THRB: variants seen among roughly 807,000 people sequenced by gnomAD.
THRB encodes the protein thyroid hormone receptor beta.
A neutral mutation model predicts 47.8 loss-of-function variants in THRB; 12 were observed. That is an observed-to-expected ratio of 0.25 (90% CI 0.16 to 0.41). The LOEUF is 0.41. THRB is among the 10% of genes least tolerant of loss of function. The pLI, the probability that THRB is intolerant of heterozygous loss-of-function variation, is 1.00. For missense variants in THRB, 348 were observed against 589.2 expected, an observed-to-expected ratio of 0.59 and a Z score of 4.24; for synonymous variants, 218 against 212.2, an observed-to-expected ratio of 1.03 and a Z score of -0.24.
Position 24,121,056 on chromosome 3 carries a change from A to C in THRB, c.*1828T>G, listed in dbSNP as rs1360626507. On this transcript the variant is annotated 3_prime_UTR_variant, in exon 11 of 11. Coordinates refer to ENST00000646209, the MANE Select transcript of THRB (RefSeq NM_001354712.2). ...GCCAATAACAAATTTACGTTCCTTA[A>C]CTGTTAAGTGGGCCATACTTCTTGT... 1 of 152,192 alleles carries C rather than the reference A, an allele frequency of 6.6e-6. No homozygotes were observed. Among genetic ancestry groups the C allele is most frequent in the African/African-American group, 2.4e-5 (1 of 41,448 alleles). 9.4% of individuals were successfully genotyped at this position (152,192 alleles called of 1,614,324 possible). A position where few individuals can be genotyped will look rare whatever the true frequency, so the allele number is the denominator to read the frequency against.
At chr3:24,125,431 A>C (rs2032566657) in intron 10 of THRB, among the ~76,000 whole-genome samples, 1 of 152,208 alleles carries the variant, frequency 6.6e-6, no homozygotes, top group African/African-American at 2.4e-5. Context: ...CATTATTTAA[A>C]ACTGTCTTTG....
chr3:24,132,846 C>A (rs1192668411), intron 9 of THRB, among the ~76,000 whole-genome samples: 6 of 152,238 alleles, frequency 3.9e-5, no homozygotes. Flanking sequence ...GGGATATGCA[C>A]TGAGAAGAAT....
At chr3:24,456,409 T>C (rs773531285) in intron 1 of THRB, among the ~76,000 whole-genome samples, 6 of 152,082 alleles carry the variant, frequency 3.9e-5, no homozygotes, top group Admixed American at 1.3e-4. Context: ...GGTTGTCACC[T>C]GATAGAAATT....
chr3:24,192,779 G>A (rs1205816846), intron 4 of THRB, among the ~76,000 whole-genome samples: 1 of 152,172 alleles, frequency 6.6e-6, no homozygotes, highest in African/African-American at 2.4e-5. Flanking sequence ...CCAAAGAAAA[G>A]CAGCTGAGAT....
intron 1 of THRB, among the ~76,000 whole-genome samples, chr3:24,392,306 G>T (rs192329191): frequency 2.0e-5 from 3 of 152,114 alleles, no homozygotes; most frequent in Admixed American, 1.3e-4. Flanking sequence ...TTTGATACCT[G>T]TAGACAATGT....
chr3:24,207,345 G>A (rs949407848), intron 4 of THRB, among the ~76,000 whole-genome samples: 6 of 152,186 alleles, frequency 3.9e-5, no homozygotes, highest in East Asian at 3.9e-4. Flanking sequence ...TTCAACTTAC[G>A]CAAATCAATA....
At position 24,442,824 on chromosome 3, in the gene THRB, CA is replaced by C. The variant is rs71988334; in HGVS notation, c.-261+51827del. Among the ~76,000 whole-genome samples, 573 of 135,138 alleles carry C rather than the reference CA, an allele frequency of 4.2e-3. 1 individual carries two copies. Among genetic ancestry groups the C allele is most frequent in the African/African-American group, 0.014 (501 of 36,196 alleles). The allele number at this position is 135,138 out of a possible 152,430, so 88.7% of individuals were successfully genotyped here. A position where few individuals can be genotyped will look rare whatever the true frequency, so the allele number is the denominator to read the frequency against. ...GGGCAACAAGAGTGAAACTCCGTCT[CA>C]AAAAAAAAAAAAAAACAAAAACAAA... On this transcript the variant is annotated intron_variant, in intron 1 of 10. Coordinates refer to ENST00000646209, the MANE Select transcript of THRB (RefSeq NM_001354712.2).
chr3:24,235,998 C>T (rs1347850153), intron 3 of THRB, among the ~76,000 whole-genome samples: 2 of 152,170 alleles, frequency 1.3e-5, no homozygotes, highest in Non-Finnish European at 2.9e-5. Flanking sequence ...CTTCCCACAG[C>T]TCTGTCTGTG....
chr3:24,324,251 C>T (rs185832199), intron 2 of THRB, among the ~76,000 whole-genome samples: 45 of 152,198 alleles, frequency 3.0e-4, no homozygotes, highest in African/African-American at 1.0e-3. Flanking sequence ...CTCCTGTCTT[C>T]TCTGTGGTGC....
At chr3:24,155,701 G>A (rs1040721988) in intron 5 of THRB, among the ~76,000 whole-genome samples, 6 of 152,216 alleles carry the variant, frequency 3.9e-5, no homozygotes, top group Non-Finnish European at 7.3e-5. Context: ...ACAATGGTCA[G>A]TATGCCAAAC....
At chr3:24,250,423 A>C (rs1411058749) in intron 3 of THRB, among the ~76,000 whole-genome samples, 1 of 152,178 alleles carries the variant, frequency 6.6e-6, no homozygotes, top group Non-Finnish European at 1.5e-5. Flanking sequence ...AGTGCCGGGC[A>C]TGGTAACTCA....
At chr3:24,158,216 A>G (rs558093355) in intron 5 of THRB, among the ~76,000 whole-genome samples, 2 of 152,180 alleles carry the variant, frequency 1.3e-5, no homozygotes, top group Non-Finnish European at 2.9e-5. Flanking sequence ...GTAACGATCA[A>G]CTGAACTAGA....
At chr3:24,343,905 A>ATATTTATTTATATATTATATAT (rs201506297) in intron 1 of THRB, among the ~76,000 whole-genome samples, 2 of 147,388 alleles carry the variant, frequency 1.4e-5, no homozygotes, top group African/African-American at 4.9e-5. Context: ...TGATATATAT[A>ATATTTATTTATATATTATATAT]TATTTATTTA....
intron 3 of THRB, among the ~76,000 whole-genome samples, chr3:24,251,498 A>T (rs1004014851): frequency 1.3e-5 from 2 of 152,154 alleles, no homozygotes; most frequent in African/African-American, 4.8e-5. Flanking sequence ...AAATTAGGAA[A>T]AAGAAAGGGA....
intron 1 of THRB, among the ~76,000 whole-genome samples, chr3:24,488,568 T>TC (rs1697656961): frequency 6.6e-6 from 1 of 152,124 alleles, no homozygotes; most frequent in Non-Finnish European, 1.5e-5. Context: ...TTTTTTTTTT[T>TC]TTAATCTCTA....
At chr3:24,313,222 T>C (rs1486285573) in intron 2 of THRB, among the ~76,000 whole-genome samples, 1 of 152,166 alleles carries the variant, frequency 6.6e-6, no homozygotes, top group African/African-American at 2.4e-5. Context: ...GTCTCCAACC[T>C]TCTCTCTTTC....
intron 1 of THRB, among the ~76,000 whole-genome samples, chr3:24,487,289 G>C (rs1327532170): frequency 1.3e-5 from 2 of 151,872 alleles, no homozygotes; most frequent in East Asian, 3.9e-4. Context: ...ATAGTGAACT[G>C]TTCCTCACAA....
intron 3 of THRB, among the ~76,000 whole-genome samples, chr3:24,239,768 G>A (rs1363418209): frequency 2.6e-5 from 4 of 152,070 alleles, no homozygotes; most frequent in Admixed American, 2.6e-4. Context: ...GCAATGTGAT[G>A]GCTTGAATGC....
At chr3:24,361,037 G>A (rs1472943146) in intron 1 of THRB, among the ~76,000 whole-genome samples, 3 of 152,128 alleles carry the variant, frequency 2.0e-5, no homozygotes, top group African/African-American at 4.8e-5. Flanking sequence ...TTTGGGCAGA[G>A]GAATGCTAAG....
Sources: gnomAD v4.1 joint callset for allele counts (sites outside exome capture counted in the v4.1 genomes callset) on GRCh38, gnomAD v4.1.1 for gene constraint, MANE v1.5 for transcripts, NCBI Gene and HGNC (gene_info 2026-07-23, HGNC 2026-07-21) for gene names.